The following DISP2 variants were observed in gnomAD, a reference collection of about 807,000 sequenced individuals.
DISP2 encodes dispatched RND transporter family member 2, also known as protein dispatched homolog 2.
In DISP2, 59 loss-of-function variants were observed where a neutral mutation model predicts 95.5. That is an observed-to-expected ratio of 0.62 (90% CI 0.50 to 0.77). The LOEUF is 0.77. DISP2 is among the 30% of genes least tolerant of loss of function. The probability of loss-of-function intolerance (pLI) is 0.00; values close to 1 mark genes in which losing one functional copy is unlikely to be tolerated. For synonymous variants in DISP2, 827 were observed against 815.0 expected (o/e 1.01, Z -0.25); for missense variants, 1,752 against 1,854.6 (o/e 0.94, Z 1.02).
At position 40,367,566 on chromosome 15, in the gene DISP2, T is replaced by C; in HGVS notation, c.1454T>C (p.Leu485Pro). The C allele has an allele frequency of 1.2e-6, 2 of 1,613,980 alleles. No homozygotes were observed. Among genetic ancestry groups the C allele is most frequent in the Non-Finnish European group, 1.7e-6 (2 of 1,180,018 alleles). The part of the protein sequence containing the change: ...GLKQELLRHF[L>P]VQDTVYPLLA... Reference sequence around the variant, plus strand: ...AAGCAGGAGCTGCTGAGGCACTTCCTGGTCCAGGACACGGTGTACCCCTTG... The same window carrying C: ...AAGCAGGAGCTGCTGAGGCACTTCCCGGTCCAGGACACGGTGTACCCCTTG... The change falls in exon 8 of 8, where the codon CTG (leucine) becomes CCG (proline). Residue 485 changes from leucine (L) to proline (P), a missense_variant. Physicochemically the swap from Leu to Pro is moderately conservative, Grantham distance 98. Coordinates refer to ENST00000267889, the MANE Select transcript of DISP2 (RefSeq NM_033510.3).
Position 40,367,693 on chromosome 15 carries a change from C to T in DISP2, c.1581C>T (p.Ala527=), listed in dbSNP as rs777486873. 1.9e-6 allele frequency: 3 copies of T among 1,613,876 alleles called. No homozygotes were observed. The highest frequency in any genetic ancestry group is 4.5e-5 in the East Asian group (2 of 44,846). Residue 527 remains alanine (A), a synonymous_variant, in exon 8 of 8, where the codon GCC becomes GCT. Coordinates refer to ENST00000267889, the MANE Select transcript of DISP2 (RefSeq NM_033510.3). ...LLGVLGSLLV[A]FFLYQVAFRM... The stretch of plus-strand genomic sequence containing the variant: ...GGGTGCTGGGCTCACTGCTGGTGGC[C>T]TTCTTCCTTTACCAGGTGGCCTTCC...
intron 7 of DISP2, 63 bp downstream of exon 7, chr15:40,365,788 C>G: frequency 6.6e-7 from 1 of 1,511,828 alleles, no homozygotes; most frequent in Non-Finnish European, 9.2e-7. Context: ...GAACTGATCC[C>G]AAGGAAATAC....
In DISP2 at chr15:40,363,736, C is replaced by T. The variant is rs757164133; in HGVS notation, c.231C>T (p.Ser77=). ...CTTCAGGACCCCCACCAACAACTTC[C>T]ACCCTCCAGCCTGTGGGTCCATCCA... ...SSSSGPPPTT[S]TLQPVGPSSP... Residue 77 remains serine (S), a synonymous_variant, in exon 2 of 8, where the codon TCC becomes TCT. Coordinates refer to ENST00000267889, the MANE Select transcript of DISP2 (RefSeq NM_033510.3). The T allele has an allele frequency of 6.2e-7, 1 of 1,613,624 alleles. No homozygotes were observed.
chr15:40,359,352 C>T (rs1449448462), intron 1 of DISP2, among the ~76,000 whole-genome samples: 1 of 152,222 alleles, frequency 6.6e-6, no homozygotes, highest in African/African-American at 2.4e-5. Context: ...TTCTGTACCC[C>T]AGAGGGGGAG....
At position 40,364,231 on chromosome 15, in the gene DISP2, A is replaced by T; in HGVS notation, c.455A>T (p.Glu152Val). ...VQHHVVSVRQ[E>V]RAFQMPKSYS... ...TCTTTTCTTCTCTTCCACAGGCAGG[A>T]ACGAGCCTTCCAGATGCCAAAGAGG... The change falls in exon 3 of 8, where the codon GAA becomes GTA. Residue 152 changes from glutamate to valine, a missense_variant. By Grantham distance (121) the Glu-to-Val change is moderately radical. Coordinates refer to ENST00000267889, the MANE Select transcript of DISP2 (RefSeq NM_033510.3). 1 of 1,614,146 alleles carries T rather than the reference A, an allele frequency of 6.2e-7. No homozygotes were observed. The highest frequency in any genetic ancestry group is 8.5e-7 in the Non-Finnish European group (1 of 1,180,034).
chr15:40,363,392 GT>G (rs1889437459), intron 1 of DISP2, among the ~76,000 whole-genome samples: 1 of 152,058 alleles, frequency 6.6e-6, no homozygotes, highest in Non-Finnish European at 1.5e-5. Flanking sequence ...CCTGCCAATT[GT>G]TTTTTGAGAG....
rs1889544785 is a variant in DISP2 at position 40,368,166 on chromosome 15, G to T, written c.2054G>T (p.Gly685Val). The T allele has an allele frequency of 6.4e-7, 1 of 1,562,490 alleles. No individual in the cohort carries two copies. Residue 685 changes from glycine to valine, a missense_variant, in exon 8 of 8, where the codon GGC (glycine) becomes GTC (valine). Gly to Val is a moderately radical substitution (Grantham distance 109). This residue lies in a region of DISP2 where 732 missense variants were observed against 714.6 expected (regional missense o/e 1.02). Coordinates refer to ENST00000267889, the MANE Select transcript of DISP2 (RefSeq NM_033510.3). ...RLRGLRRAAA[G>V]TSRLLFQRLL... ...CGCGGCCTGCGGAGGGCGGCGGCTG[G>T]CACCTCGCGTCTGCTCTTCCAGCGC...
chr15:40,368,757 A>G lies in DISP2; in HGVS notation c.2645A>G (p.Gln882Arg), dbSNP rs991706481. 13 of 1,613,614 alleles carry G rather than the reference A, an allele frequency of 8.1e-6. No homozygotes were observed. In the African/African-American group the frequency reaches 1.6e-4, roughly 20 times the overall value. Residue 882 changes from glutamine to arginine, a missense_variant, in exon 8 of 8, where the codon CAA becomes CGA. Gln to Arg is a conservative substitution (Grantham distance 43). This residue lies in a region of DISP2 where 317 missense variants were observed against 394.9 expected (regional missense o/e 0.80). Transcript: ENST00000267889. ...TGCCTGAAAATGATGGCTCTGGAGC[A>G]AGGCCCCGATGGCACCCAGGACCTG... ...LHCLKMMALEQGPDGTQDLGL... is the reference protein window; with the variant it reads ...LHCLKMMALERGPDGTQDLGL...
Position 40,369,009 on chromosome 15 carries a change from T to A in DISP2, c.2897T>A (p.Val966Glu). 5 of 1,614,048 alleles carry A rather than the reference T, an allele frequency of 3.1e-6. No individual in the cohort carries two copies. The highest frequency in any genetic ancestry group is 4.2e-6 in the Non-Finnish European group (5 of 1,180,042). Residue 966 changes from valine to glutamate, a missense_variant, in exon 8 of 8, where the codon GTG becomes GAG. By Grantham distance (121) the Val-to-Glu change is moderately radical (BLOSUM62 -2). Transcript: ENST00000267889. ...CACAGCCTGAGCACTGAGCCTGCTG[T>A]GGTGCTGGGCCTGGCTTTGGCGCTG... ...LQHSLSTEPA[V>E]VLGLALALAF...
Position 40,365,111 on chromosome 15 carries a change from T to C in DISP2, c.720-36T>C, listed in dbSNP as rs764716232. The C allele has an allele frequency of 4.4e-6, 7 of 1,607,646 alleles. No individual in the cohort carries two copies. In the East Asian group the frequency reaches 1.3e-4, roughly 31 times the overall value. ...TGGCCTCCTCTGAGTCTTCCAACCC[T>C]AATGGTGCCTGGCATAGATATTCTC... On this transcript the variant is annotated intron_variant, in intron 5 of 7. Transcript: ENST00000267889.
Position 40,368,249 on chromosome 15 carries a change from C to G in DISP2, c.2137C>G (p.Leu713Val). 2 of 1,610,534 alleles carry G rather than the reference C, an allele frequency of 1.2e-6. No homozygotes were observed. Among genetic ancestry groups the G allele is most frequent in the South Asian group, 1.1e-5 (1 of 91,046 alleles). ...RYIWICWFAA[L>V]AAGGAYIAGV... is the part of the protein sequence containing the mutation. ...CATCTGGATCTGCTGGTTCGCAGCA[C>G]TGGCGGCAGGGGGCGCCTACATCGC... Residue 713 changes from leucine (L) to valine (V), a missense_variant, in exon 8 of 8, where the codon CTG becomes GTG. Leu to Val is a conservative substitution (Grantham distance 32). Coordinates refer to ENST00000267889, the MANE Select transcript of DISP2 (RefSeq NM_033510.3).
In DISP2 at chr15:40,365,616, G is replaced by A; in HGVS notation, c.848-12G>A. 6.2e-7 allele frequency: 1 copy of A among 1,614,104 alleles called. No individual in the cohort carries two copies. On this transcript the variant is annotated splice_polypyrimidine_tract_variant and intron_variant, in intron 6 of 7. Transcript: ENST00000267889. ...AAAGGACTGAGCTCCAGGTTGCGGGGGTATGTTGCAGAGAAGAGCTATGCA... is the reference window on the plus strand; with the variant it reads ...AAAGGACTGAGCTCCAGGTTGCGGGAGTATGTTGCAGAGAAGAGCTATGCA...
chr15:40,374,014 A>AAAATATATAT lies in DISP2; in HGVS notation c.*3697_*3698insAATATATATA. The AAAATATATAT allele has an allele frequency of 1.4e-3, 150 of 104,194 alleles. 2 individuals carry two copies. Among genetic ancestry groups the AAAATATATAT allele is most frequent in the African/African-American group, 5.5e-3 (131 of 23,980 alleles). 6.5% of individuals were successfully genotyped at this position (104,194 alleles called of 1,614,324 possible). A position where few individuals can be genotyped will look rare whatever the true frequency, so the allele number is the denominator to read the frequency against. ...GCGAGACTCCATCTTAAAAAAAAAA[A>AAAATATATAT]ATATATATATATATATATGTAAACT... On this transcript the variant is annotated 3_prime_UTR_variant, in exon 8 of 8. Coordinates refer to ENST00000267889, the MANE Select transcript of DISP2 (RefSeq NM_033510.3).
chr15:40,370,147 G>A lies in DISP2; in HGVS notation c.4035G>A (p.Arg1345=), dbSNP rs762396863. 6.2e-7 allele frequency: 1 copy of A among 1,610,460 alleles called. No homozygotes were observed. The highest frequency in any genetic ancestry group is 2.2e-5 in the East Asian group (1 of 44,810). ...GKRDTLWLAL[R]ETVYDPSLPA... ...GGGACACCCTGTGGCTGGCGCTGAGGGAGACAGTGTATGACCCATCATTGC... is the reference window on the plus strand; with the variant it reads ...GGGACACCCTGTGGCTGGCGCTGAGAGAGACAGTGTATGACCCATCATTGC... Residue 1345 remains arginine (R), a synonymous_variant, in exon 8 of 8, where the codon AGG becomes AGA. Transcript: ENST00000267889.
intron 7 of DISP2, 113 bp from the exon 8 acceptor site, chr15:40,366,943 CCT>C (rs1889505303): frequency 1.5e-6 from 2 of 1,363,950 alleles, no homozygotes; most frequent in African/African-American, 1.5e-5. Context: ...TGTCAAGATC[CCT>C]CTCTGCGCTT....
In DISP2 at chr15:40,373,104, A is replaced by G. The variant is rs1889673326; in HGVS notation, c.*2786A>G. ...CTGCCTCTCTAGCCCTGACTTTGGA[A>G]TGTGGAACTTAAAGCACTTCCTATT... On this transcript the variant is annotated 3_prime_UTR_variant, in exon 8 of 8. Transcript: ENST00000267889. 1 of 152,224 alleles carries G rather than the reference A, an allele frequency of 6.6e-6. No individual in the cohort carries two copies. The highest frequency in any genetic ancestry group is 1.5e-5 in the Non-Finnish European group (1 of 68,056). 9.4% of individuals were successfully genotyped at this position (152,224 alleles called of 1,614,324 possible). A position where few individuals can be genotyped will look rare whatever the true frequency, so the allele number is the denominator to read the frequency against.
In DISP2 at chr15:40,367,726, C is replaced by T. The variant is rs1293390487; in HGVS notation, c.1614C>T (p.Ala538=). 6.2e-7 allele frequency: 1 copy of T among 1,613,312 alleles called. No homozygotes were observed. The change falls in exon 8 of 8, where the codon GCC becomes GCT. Residue 538 remains alanine (A), a synonymous_variant. Coordinates refer to ENST00000267889, the MANE Select transcript of DISP2 (RefSeq NM_033510.3). ...FFLYQVAFRM[A]YFPFVNLAAL... ...TTTACCAGGTGGCCTTCCGCATGGC[C>T]TACTTCCCCTTCGTCAATCTGGCAG...
At position 40,376,059 on chromosome 15, in the gene DISP2, C is replaced by A. The variant is rs1405234577; in HGVS notation, c.*5741C>A. ...TCTTTGAGAAAGTTCACAGGGGCAG[C>A]CCTGTGGCTCAGTTCTGTGCCTTCT... On this transcript the variant is annotated 3_prime_UTR_variant, in exon 8 of 8. Transcript: ENST00000267889. 6.6e-6 allele frequency: 1 copy of A among 152,112 alleles called. No individual in the cohort carries two copies. The highest frequency in any genetic ancestry group is 1.9e-4 in the East Asian group (1 of 5,202). The allele number at this position is 152,112 out of a possible 1,614,324, so 9.4% of individuals were successfully genotyped here.
In DISP2 at chr15:40,370,049, G is replaced by A. The variant is rs777157196; in HGVS notation, c.3937G>A (p.Val1313Met). The change falls in exon 8 of 8, where the codon GTG becomes ATG. Residue 1313 changes from valine (V) to methionine (M), a missense_variant. Around this residue, in one of 5 missense-constraint regions of DISP2, gnomAD observed 347 missense variants for 344.2 expected, o/e 1.01. Coordinates refer to ENST00000267889, the MANE Select transcript of DISP2 (RefSeq NM_033510.3). Reference protein sequence around the residue: ...SEPSARVPDSVGVSPDDLDDT... With the variant: ...SEPSARVPDSMGVSPDDLDDT... Reference sequence around the variant, plus strand: ...GCCCAGTGCCCGTGTACCAGATTCCGTGGGTGTGTCCCCAGATGACCTGGA... The same window carrying A: ...GCCCAGTGCCCGTGTACCAGATTCCATGGGTGTGTCCCCAGATGACCTGGA... The A allele has an allele frequency of 3.6e-5, 58 of 1,614,016 alleles. No homozygotes were observed. Among genetic ancestry groups the A allele is most frequent in the Middle Eastern group, 1.6e-4 (1 of 6,084 alleles).
Sources: gnomAD v4.1 joint callset for allele counts (sites outside exome capture counted in the v4.1 genomes callset) on GRCh38, gnomAD v4.1.1 for gene constraint, gnomAD v4.1.1 regional missense constraint, MANE v1.5 for transcripts, NCBI Gene and HGNC (gene_info 2026-07-23, HGNC 2026-07-21) for gene names.